The following CHRNA7 variants were observed in gnomAD, a reference collection of about 807,000 sequenced individuals.
CHRNA7 encodes cholinergic receptor nicotinic alpha 7 subunit, also known as neuronal acetylcholine receptor subunit alpha-7.
Under a neutral mutation model 48.0 loss-of-function variants are expected in CHRNA7, and 17 were observed. The ratio of observed to expected loss-of-function variants is 0.35; its 90% CI spans 0.24 to 0.53. The LOEUF is 0.53. CHRNA7 is among the 20% of genes least tolerant of loss of function. The pLI is 0.92. For synonymous variants in CHRNA7, 75 were observed against 242.3 expected, an observed-to-expected ratio of 0.31 and a Z score of 6.41; for missense variants, 155 against 577.7, an observed-to-expected ratio of 0.27 and a Z score of 7.50.
chr15:32,047,307 A>G (rs75208620), intron 2 of CHRNA7, among the ~76,000 whole-genome samples: 148,080 of 148,190 alleles, frequency 1, 73,985 homozygotes, highest in Middle Eastern at 1. Flanking sequence ...CCATGAGCAT[A>G]GAATGTTCTT....
intron 3 of CHRNA7, among the ~76,000 whole-genome samples, chr15:32,110,634 A>C (rs2050747726): frequency 6.6e-6 from 1 of 152,172 alleles, no homozygotes; most frequent in South Asian, 2.1e-4. Flanking sequence ...CTCTAGGCCC[A>C]CAGCCCCTCA....
At chr15:32,052,221 G>A (rs1231888107) in intron 2 of CHRNA7, among the ~76,000 whole-genome samples, 3 of 145,490 alleles carry the variant, frequency 2.1e-5, no homozygotes, top group African/African-American at 7.6e-5. Context: ...TTTTCCCCAA[G>A]CTCTTCTAAT....
intron 4 of CHRNA7, among the ~76,000 whole-genome samples, chr15:32,133,427 C>T (rs944898180): frequency 2.0e-5 from 3 of 152,180 alleles, no homozygotes; most frequent in African/African-American, 4.8e-5. Context: ...CTCTCCCACA[C>T]GAGGCCCTGG....
chr15:32,074,204 T>G (rs1475493253), intron 2 of CHRNA7, among the ~76,000 whole-genome samples: 2 of 151,474 alleles, frequency 1.3e-5, no homozygotes, highest in African/African-American at 4.8e-5. Context: ...ATTCTGTTTT[T>G]GTTTTGTTTT....
intron 2 of CHRNA7, among the ~76,000 whole-genome samples, chr15:32,087,194 A>T (rs550307230): frequency 6.6e-6 from 1 of 152,110 alleles, no homozygotes; most frequent in African/African-American, 2.4e-5. Context: ...AGCAGTATTT[A>T]TTTTATATTT....
chr15:32,106,296 T>G (rs1408544940), intron 3 of CHRNA7, among the ~76,000 whole-genome samples: 1 of 152,230 alleles, frequency 6.6e-6, no homozygotes, highest in Non-Finnish European at 1.5e-5. Flanking sequence ...CCAGAAAATC[T>G]GAATCCACAT....
chr15:32,105,931 G>C (rs2050662122), intron 3 of CHRNA7, among the ~76,000 whole-genome samples: 1 of 152,180 alleles, frequency 6.6e-6, no homozygotes, highest in East Asian at 1.9e-4. Context: ...CAGTGCCTGT[G>C]TCTCTCTGCT....
intron 2 of CHRNA7, among the ~76,000 whole-genome samples, chr15:32,076,347 T>A (rs1483357675): frequency 6.6e-6 from 1 of 152,220 alleles, no homozygotes; most frequent in Non-Finnish European, 1.5e-5. Context: ...TGAAGTTTGA[T>A]GACACACAAT....
chr15:32,116,670 G>T (rs886277010), intron 4 of CHRNA7, among the ~76,000 whole-genome samples: 5 of 152,192 alleles, frequency 3.3e-5, no homozygotes, highest in African/African-American at 9.7e-5. Context: ...TCTGAATCCC[G>T]CAACTCTGCG....
intron 4 of CHRNA7, among the ~76,000 whole-genome samples, chr15:32,124,923 C>T (rs1217866109): frequency 6.6e-6 from 1 of 152,148 alleles, no homozygotes; most frequent in Non-Finnish European, 1.5e-5. Context: ...GACAGTTGCC[C>T]TCCCCAGACA....
chr15:32,065,386 A>G (rs2049947236), intron 2 of CHRNA7, among the ~76,000 whole-genome samples: 1 of 152,192 alleles, frequency 6.6e-6, no homozygotes, highest in Non-Finnish European at 1.5e-5. Flanking sequence ...CACTTGCAAG[A>G]CTATTTTTAC....
At chr15:32,076,504 T>C (rs1228530358) in intron 2 of CHRNA7, among the ~76,000 whole-genome samples, 2 of 152,208 alleles carry the variant, frequency 1.3e-5, no homozygotes, top group Non-Finnish European at 2.9e-5. Context: ...GTTTACATGC[T>C]GTATTTTGTT....
Position 32,102,701 on chromosome 15 carries a change from C to T in CHRNA7, c.240+1354C>T, listed in dbSNP as rs116394046. On this transcript the variant is annotated intron_variant, in intron 3 of 9. Coordinates refer to ENST00000306901, the MANE Select transcript of CHRNA7 (RefSeq NM_000746.6). ...AATTAGTTCATGTATCCACAGATGA[C>T]TTTTTATTACTTGAATGGAGAGAAT... 1,146 of 152,250 alleles carry T rather than the reference C, an allele frequency of 7.5e-3. 15 individuals carry two copies. The highest frequency in any genetic ancestry group is 0.026 in the African/African-American group (1,081 of 41,536). The allele number at this position is 152,250 out of a possible 1,614,324, so 9.4% of individuals were successfully genotyped here.
chr15:32,043,847 T>A (rs6494169), intron 2 of CHRNA7, among the ~76,000 whole-genome samples: 134,384 of 152,160 alleles, frequency 0.88, 59,967 homozygotes, highest in South Asian at 0.95. Context: ...CTTCTCTTTC[T>A]TGAGAGTCTG....
chr15:32,077,342 G>A (rs114048692), intron 2 of CHRNA7, among the ~76,000 whole-genome samples: 3,114 of 152,278 alleles, frequency 0.02, 98 homozygotes, highest in African/African-American at 0.071. Context: ...TAAATGGTAA[G>A]AGTATGTTTA....
intron 2 of CHRNA7, among the ~76,000 whole-genome samples, chr15:32,095,680 A>G (rs1241795836): frequency 6.6e-6 from 1 of 152,176 alleles, no homozygotes; most frequent in Non-Finnish European, 1.5e-5. Context: ...GGGGGATGAA[A>G]GAGGGAAATA....
chr15:32,038,205 ATATTT>A (rs1297330826), intron 2 of CHRNA7, among the ~76,000 whole-genome samples: 1 of 148,720 alleles, frequency 6.7e-6, no homozygotes, highest in African/African-American at 2.4e-5. Context: ...TATAATATAC[ATATTT>A]TATATATACA....
intron 2 of CHRNA7, among the ~76,000 whole-genome samples, chr15:32,086,389 A>T (rs2050298208): frequency 6.8e-6 from 1 of 147,630 alleles, no homozygotes; most frequent in Admixed American, 6.8e-5. Flanking sequence ...AAAAAAAAAA[A>T]AGATAAACAC....
At chr15:32,066,421 A>G (rs569938713) in intron 2 of CHRNA7, among the ~76,000 whole-genome samples, 8 of 152,228 alleles carry the variant, frequency 5.3e-5, no homozygotes, top group Admixed American at 2.0e-4. Context: ...AGCTGGGATT[A>G]CAGGCATGTG....
Sources: gnomAD v4.1 joint callset for allele counts (sites outside exome capture counted in the v4.1 genomes callset) on GRCh38, gnomAD v4.1.1 for gene constraint, MANE v1.5 for transcripts, NCBI Gene and HGNC (gene_info 2026-07-23, HGNC 2026-07-21) for gene names.